Variants in HAUS6 observed in about 807,000 individuals in gnomAD.
The protein encoded by HAUS6 is HAUS augmin like complex subunit 6.
HAUS6 carries 80 observed loss-of-function variants against 106.8 expected under a neutral mutation model. The observed-to-expected ratio is 0.75, with a 90% CI of 0.63 to 0.90. The LOEUF (loss-of-function observed/expected upper bound fraction) is 0.90, where lower values mean the gene tolerates loss of function less well. Among genes scored for constraint, HAUS6 ranks in the 40% least tolerant of loss-of-function variants. The pLI, the probability that HAUS6 is intolerant of heterozygous loss-of-function variation, is 0.00. For synonymous variants in HAUS6, 356 were observed against 379.1 expected (o/e 0.94, Z 0.71); for missense variants, 1,155 against 1,118.1 (o/e 1.03, Z -0.47).
chr9:19,068,814 T>C (rs7870655), intron 12 of HAUS6, among the ~76,000 whole-genome samples: 1 of 152,052 alleles, frequency 6.6e-6, no homozygotes, highest in Non-Finnish European at 1.5e-5. Flanking sequence ...TCGGATTACA[T>C]ACATTTAGTT....
chr9:19,074,790 AT>A (rs1260116917), intron 11 of HAUS6, among the ~76,000 whole-genome samples: 1 of 152,098 alleles, frequency 6.6e-6, no homozygotes, highest in African/African-American at 2.4e-5. Context: ...TGGCTATAAA[AT>A]TTGTTTTTTA....
At chr9:19,094,190 A>G in intron 3 of HAUS6, 127 bp downstream of exon 3, 1 of 548,034 alleles carries the variant, frequency 1.8e-6, no homozygotes, top group South Asian at 2.9e-5. Flanking sequence ...GACTATTTTA[A>G]CTAATATTTC....
chr9:19,087,013 G>A (rs997456361), intron 6 of HAUS6, 78 bp downstream of exon 6: 7 of 745,856 alleles, frequency 9.4e-6, no homozygotes, highest in Admixed American at 2.1e-5. Flanking sequence ...AATGTTTGTG[G>A]GAGTCTGTTT....
chr9:19,095,524 A>T (rs893280057), intron 2 of HAUS6, among the ~76,000 whole-genome samples: 7 of 152,104 alleles, frequency 4.6e-5, no homozygotes, highest in African/African-American at 1.2e-4. Flanking sequence ...AAAAAATTAA[A>T]ATCTGTTTTT....
chr9:19,087,989 GAA>G (rs754848544), intron 5 of HAUS6, among the ~76,000 whole-genome samples: 1 of 151,402 alleles, frequency 6.6e-6, no homozygotes, highest in Non-Finnish European at 1.5e-5. Context: ...GAAACTCCAA[GAA>G]AAAAAGATAT....
At chr9:19,073,247 A>G (rs992182571) in intron 11 of HAUS6, among the ~76,000 whole-genome samples, 2 of 152,202 alleles carry the variant, frequency 1.3e-5, no homozygotes, top group African/African-American at 4.8e-5. Context: ...ATAAACAAGT[A>G]TTTATAATAT....
chr9:19,068,956 C>T (rs1369304117), intron 12 of HAUS6, among the ~76,000 whole-genome samples: 1 of 151,998 alleles, frequency 6.6e-6, no homozygotes, highest in Non-Finnish European at 1.5e-5. Flanking sequence ...TATGTTAAAT[C>T]TGGTGGTTAT....
At chr9:19,090,984 G>A (rs1451854595) in intron 4 of HAUS6, among the ~76,000 whole-genome samples, 3 of 152,126 alleles carry the variant, frequency 2.0e-5, no homozygotes. Flanking sequence ...TGCTTATCCA[G>A]GTTCTAGCAT....
At chr9:19,094,705 T>C (rs886824641) in intron 2 of HAUS6, among the ~76,000 whole-genome samples, 1 of 151,970 alleles carries the variant, frequency 6.6e-6, no homozygotes, top group African/African-American at 2.4e-5. Context: ...GCACGAGTAT[T>C]GCTTGAACCC....
rs566582672 is a variant in HAUS6 at position 19,061,466 on chromosome 9, G to C, written c.1630-1243C>G. ...TACTTTAGTGTAGAGTCAATGAAGA[G>C]AAACAATAGAACTTTAGAGATTTAA... On this transcript the variant is annotated intron_variant, in intron 14 of 16. Coordinates refer to ENST00000380502, the MANE Select transcript of HAUS6 (RefSeq NM_017645.5). 1.7e-4 allele frequency among the ~76,000 whole-genome samples: 26 copies of C among 152,250 alleles called. No homozygotes were observed. In the South Asian group the frequency reaches 5.4e-3, roughly 32 times the overall value.
In HAUS6 at chr9:19,080,626, G is replaced by C; in HGVS notation, c.917C>G (p.Thr306Arg). The C allele has an allele frequency of 6.2e-7, 1 of 1,606,692 alleles. No homozygotes were observed. Among genetic ancestry groups the C allele is most frequent in the Non-Finnish European group, 8.5e-7 (1 of 1,173,886 alleles). The stretch of plus-strand genomic sequence containing the variant: ...GACTTCATTTAATAACTGAATAACT[G>C]TTAAGAGGTTCAGTTTTCCAGCCTC... Reference protein sequence around the residue: ...VYEAGKLNLLTVIQLLNEVLK... With the variant: ...VYEAGKLNLLRVIQLLNEVLK... Residue 306 changes from threonine to arginine, a missense_variant, in exon 9 of 17, where the codon ACA becomes AGA. By Grantham distance (71) the Thr-to-Arg change is moderately conservative. Around this residue, in one of 3 missense-constraint regions of HAUS6, gnomAD observed 761 missense variants for 690.0 expected, o/e 1.10. Coordinates refer to ENST00000380502, the MANE Select transcript of HAUS6 (RefSeq NM_017645.5).
intron 7 of HAUS6, among the ~76,000 whole-genome samples, chr9:19,085,465 T>TGATC (rs1231826412): frequency 1.3e-5 from 2 of 152,052 alleles, no homozygotes; most frequent in Non-Finnish European, 2.9e-5. Flanking sequence ...ACATATCAGA[T>TGATC]GATCAATACA....
rs551056948 is a variant in HAUS6 at position 19,083,057 on chromosome 9, A to C, written c.700-14T>G. 3.2e-6 allele frequency: 5 copies of C among 1,546,508 alleles called. No homozygotes were observed. The South Asian group carries it at 4.8e-5, about 15-fold the overall frequency. On this transcript the variant is annotated splice_polypyrimidine_tract_variant and intron_variant, in intron 7 of 16. Transcript: ENST00000380502. The stretch of plus-strand genomic sequence containing the variant: ...CAAAGACCGAACCTTTGGAAACAGA[A>C]ACAAAATATTAAAGTCCACACATAA...
intron 1 of HAUS6, 129 bp from the exon 2 acceptor site, chr9:19,096,898 T>G (rs1471944541): frequency 4.2e-6 from 2 of 474,936 alleles, no homozygotes; most frequent in East Asian, 3.6e-5. Flanking sequence ...GGCAAATTAA[T>G]TTTTCTCATT....
chr9:19,070,934 A>G (rs544175886), intron 11 of HAUS6, among the ~76,000 whole-genome samples: 1 of 152,366 alleles, frequency 6.6e-6, no homozygotes, highest in South Asian at 2.1e-4. Context: ...AGAACGAGGT[A>G]CAAGTTGCTA....
chr9:19,084,218 G>C (rs190267698), intron 7 of HAUS6, among the ~76,000 whole-genome samples: 1 of 152,238 alleles, frequency 6.6e-6, no homozygotes, highest in East Asian at 1.9e-4. Context: ...ACACACAACA[G>C]CATGGATAAA....
intron 5 of HAUS6, among the ~76,000 whole-genome samples, chr9:19,087,859 A>G (rs1053918121): frequency 6.6e-6 from 1 of 151,130 alleles, no homozygotes; most frequent in African/African-American, 2.4e-5. Flanking sequence ...AAAAAAAAAA[A>G]AAAAAAAAAA....
At chr9:19,080,875 C>T (rs1837130317) in intron 8 of HAUS6, among the ~76,000 whole-genome samples, 1 of 152,118 alleles carries the variant, frequency 6.6e-6, no homozygotes, top group South Asian at 2.1e-4. Context: ...GAGTTCGAGA[C>T]CAGCCTGACC....
chr9:19,070,251 A>G lies in HAUS6; in HGVS notation c.1344T>C (p.Asp448=), dbSNP rs778185304. 6.2e-6 allele frequency: 10 copies of G among 1,602,470 alleles called. No homozygotes were observed. In the South Asian group the frequency reaches 1.1e-4, roughly 18 times the overall value. ...CTAGATCATGTAGCGCTCCCAAGGT[A>G]TCACTGTCTCCTCTGCAACCATTTT... ...NQENGCRGDS[D]TLGALHDLAN... is the part of the protein sequence containing the mutation. The change falls in exon 12 of 17, where the codon GAT becomes GAC. Residue 448 remains aspartate, a synonymous_variant. Coordinates refer to ENST00000380502, the MANE Select transcript of HAUS6 (RefSeq NM_017645.5).
Sources: gnomAD v4.1 joint callset for allele counts (sites outside exome capture counted in the v4.1 genomes callset) on GRCh38, gnomAD v4.1.1 for gene constraint, gnomAD v4.1.1 regional missense constraint, MANE v1.5 for transcripts, NCBI Gene and HGNC (gene_info 2026-07-23, HGNC 2026-07-21) for gene names.